The following HMG20A variants were observed in gnomAD, a reference collection of about 807,000 sequenced individuals.
The protein encoded by HMG20A is high mobility group protein 20A.
In HMG20A, 17 loss-of-function variants were observed where a neutral mutation model predicts 43.9. The observed-to-expected ratio is 0.39, with a 90% CI of 0.27 to 0.58. The LOEUF (loss-of-function observed/expected upper bound fraction) is 0.58. HMG20A is among the 20% of genes least tolerant of loss of function. HMG20A has a pLI of 0.59. For missense variants in HMG20A, 341 were observed against 438.2 expected (o/e 0.78, Z 1.98); for synonymous variants, 132 against 147.5 (o/e 0.89, Z 0.76).
At chr15:77,437,379 A>G (rs577223761) in intron 1 of HMG20A, among the ~76,000 whole-genome samples, 1 of 152,312 alleles carries the variant, frequency 6.6e-6, no homozygotes, top group South Asian at 2.1e-4. Flanking sequence ...GGTAAACTAT[A>G]GGTCGGGAAG....
chr15:77,464,204 GT>G (rs1271658898), intron 2 of HMG20A, 35 bp from the exon 3 acceptor site: 3 of 1,606,554 alleles, frequency 1.9e-6, no homozygotes, highest in Non-Finnish European at 2.6e-6. Context: ...AATAGGTGGA[GT>G]TTTTGTGTTG....
chr15:77,505,382 C>T, the HMG20A span, among the ~76,000 whole-genome samples: 2 of 152,212 alleles, frequency 1.3e-5, no homozygotes, highest in Admixed American at 6.5e-5. Flanking sequence ...AGTCAGGGGA[C>T]TCAGGATGGC....
rs111779777 is a variant in HMG20A, at chr15:77,449,170, A to AC, written c.-4-9230dup. Among the ~76,000 whole-genome samples, 759 of 150,732 alleles carry AC rather than the reference A, an allele frequency of 5.0e-3. 9 individuals carry two copies. The highest frequency in any genetic ancestry group is 0.017 in the African/African-American group (708 of 40,998). On this transcript the variant is annotated intron_variant, in intron 1 of 9. Coordinates refer to ENST00000336216, the MANE Select transcript of HMG20A (RefSeq NM_001304504.2). ...CCCACCCCAGTGCCCAGCCAAACAC[A>AC]CCCCTCCTTATACCCTTCTCTTGAA...
intron 7 of HMG20A, 72 bp downstream of exon 7, chr15:77,477,702 T>C (rs1033810013): frequency 9.8e-7 from 1 of 1,023,172 alleles, no homozygotes; most frequent in Non-Finnish European, 1.5e-6. Context: ...AGAAATTCAT[T>C]GCTCAAAAGC....
At chr15:77,443,860 G>A (rs1387622572) in intron 1 of HMG20A, among the ~76,000 whole-genome samples, 1 of 151,832 alleles carries the variant, frequency 6.6e-6, no homozygotes, top group African/African-American at 2.4e-5. Flanking sequence ...ACAGGCGCGT[G>A]CCCCCATGCC....
At chr15:77,517,153 G>A in the HMG20A span, among the ~76,000 whole-genome samples, 1 of 152,226 alleles carries the variant, frequency 6.6e-6, no homozygotes, top group Non-Finnish European at 1.5e-5. Context: ...GGATCCACGG[G>A]CATCCCTATC....
chr15:77,451,901 A>G (rs1305651484), intron 1 of HMG20A, among the ~76,000 whole-genome samples: 1 of 152,248 alleles, frequency 6.6e-6, no homozygotes, highest in South Asian at 2.1e-4. Flanking sequence ...GAAAATTCCA[A>G]TACAGAATAT....
intron 1 of HMG20A, among the ~76,000 whole-genome samples, chr15:77,424,439 C>G (rs1400743885): frequency 1.3e-5 from 2 of 152,162 alleles, no homozygotes; most frequent in East Asian, 3.8e-4. Flanking sequence ...TTTATTTGAC[C>G]TCCCTAAGCC....
the HMG20A span, among the ~76,000 whole-genome samples, chr15:77,511,056 C>G: frequency 5.9e-5 from 9 of 152,234 alleles, no homozygotes; most frequent in South Asian, 1.9e-3. Flanking sequence ...GGCAGTAGCC[C>G]GTGGATTCAG....
In HMG20A at chr15:77,483,447, T is replaced by G. The variant is rs1191718150; in HGVS notation, c.*484T>G. 6.5e-6 allele frequency: 1 copy of G among 152,712 alleles called. No homozygotes were observed. The highest frequency in any genetic ancestry group is 1.5e-5 in the Non-Finnish European group (1 of 68,080). The allele number at this position is 152,712 out of a possible 1,614,324, so 9.5% of individuals were successfully genotyped here. On this transcript the variant is annotated 3_prime_UTR_variant, in exon 10 of 10. Coordinates refer to ENST00000336216, the MANE Select transcript of HMG20A (RefSeq NM_001304504.2). ...CCCCCACCAATTTATACATCTCCAT[T>G]TTCTGACCTCTGGACTAACTGGTTG...
chr15:77,446,689 C>T (rs2073678251), intron 1 of HMG20A, among the ~76,000 whole-genome samples: 2 of 152,032 alleles, frequency 1.3e-5, no homozygotes, highest in Non-Finnish European at 2.9e-5. Context: ...CACCTGTAGT[C>T]CCAGCTACTC....
intron 1 of HMG20A, among the ~76,000 whole-genome samples, chr15:77,427,202 A>C (rs913532205): frequency 2.6e-5 from 4 of 152,186 alleles, no homozygotes; most frequent in African/African-American, 9.6e-5. Context: ...TCCTCAGGTA[A>C]TAAAAATAGA....
intron 6 of HMG20A, among the ~76,000 whole-genome samples, chr15:77,475,846 T>C (rs1358237011): frequency 6.6e-6 from 1 of 152,240 alleles, no homozygotes; most frequent in Non-Finnish European, 1.5e-5. Flanking sequence ...TTAGTTTCCA[T>C]TGAAATCCCC....
At chr15:77,464,950 TTGTC>T (rs2072741211) in intron 3 of HMG20A, 1 of 152,150 alleles carries the variant, frequency 6.6e-6, no homozygotes, top group Non-Finnish European at 1.5e-5. Context: ...CCATTGATTT[TTGTC>T]TTTTTTCTTA....
the HMG20A span, among the ~76,000 whole-genome samples, chr15:77,508,906 A>C: frequency 1.3e-5 from 2 of 152,200 alleles, no homozygotes; most frequent in Admixed American, 1.3e-4. Context: ...AGGGCCCTGA[A>C]ATAAAGGTTT....
intron 2 of HMG20A, among the ~76,000 whole-genome samples, chr15:77,461,043 T>G (rs371461642): frequency 4.0e-5 from 6 of 150,120 alleles, no homozygotes; most frequent in African/African-American, 1.5e-4. Context: ...GAGTCTAAAG[T>G]GAGTTGCTAG....
intron 1 of HMG20A, among the ~76,000 whole-genome samples, chr15:77,454,621 A>AT (rs935618260): frequency 2.0e-5 from 3 of 152,074 alleles, no homozygotes; most frequent in African/African-American, 7.2e-5. Context: ...TTATTTTGTC[A>AT]TTTTTTTCCT....
intron 2 of HMG20A, among the ~76,000 whole-genome samples, chr15:77,459,051 A>G (rs926726858): frequency 3.3e-5 from 5 of 152,200 alleles, no homozygotes; most frequent in Non-Finnish European, 5.9e-5. Flanking sequence ...TTGAATTTTT[A>G]TCTTTTCTAG....
At position 77,467,176 on chromosome 15, in the gene HMG20A, C is replaced by G. The variant is rs1366080753; in HGVS notation, c.319C>G (p.Leu107Val). Reference protein sequence around the residue: ...LRDSNAPKSPLTGYVRFMNER... With the variant: ...LRDSNAPKSPVTGYVRFMNER... ...AGACAGCAATGCACCCAAATCCCCC[C>G]TTACAGGATATGTTCGGTTCATGAA... Residue 107 changes from leucine to valine, a missense_variant, in exon 4 of 10, where the codon CTT becomes GTT. Physicochemically the swap from Leu to Val is conservative, Grantham distance 32 (BLOSUM62 1). Around this residue, in one of 3 missense-constraint regions of HMG20A, gnomAD observed 220 missense variants for 263.6 expected, o/e 0.83. Coordinates refer to ENST00000336216, the MANE Select transcript of HMG20A (RefSeq NM_001304504.2). The G allele has an allele frequency of 6.2e-7, 1 of 1,614,134 alleles. No individual in the cohort carries two copies.
Sources: allele counts gnomAD v4.1 joint callset (sites outside exome capture counted in the v4.1 genomes callset), GRCh38; gene constraint gnomAD v4.1.1; regional missense constraint gnomAD v4.1.1; transcripts MANE v1.5; gene names NCBI Gene and HGNC (gene_info 2026-07-23, HGNC 2026-07-21).